ALDH2: variants seen among roughly 807,000 people sequenced by gnomAD.
The protein encoded by ALDH2 is aldehyde dehydrogenase 2 family member.
In ALDH2, 44 loss-of-function variants were observed where a neutral mutation model predicts 59.6. The ratio of observed to expected loss-of-function variants is 0.74; its 90% CI spans 0.58 to 0.95. The LOEUF (loss-of-function observed/expected upper bound fraction) is 0.95. Ranked by LOEUF, ALDH2 falls within the 40% of genes least tolerant of loss-of-function variation. ALDH2 has a pLI of 0.00. For synonymous variants in ALDH2, 291 were observed against 284.0 expected (o/e 1.02, Z -0.25); for missense variants, 570 against 696.3 (o/e 0.82, Z 2.04).
chr12:111,776,012 G>A (rs2068231946), intron 1 of ALDH2, among the ~76,000 whole-genome samples: 1 of 152,160 alleles, frequency 6.6e-6, no homozygotes, highest in Non-Finnish European at 1.5e-5. Flanking sequence ...ATGCAGCCTG[G>A]TTCAACAGTG....
chr12:111,809,345 C>T (rs1218427687), intron 12 of ALDH2, among the ~76,000 whole-genome samples, 198 bp from the exon 13 acceptor site: 1 of 152,090 alleles, frequency 6.6e-6, no homozygotes, highest in African/African-American at 2.4e-5. Context: ...GTCCCAGCTA[C>T]TTGGGAGGCT....
rs540073928 is a variant in ALDH2, at chr12:111,790,546, C to A, written c.665C>A (p.Ala222Asp). 43 of 1,614,148 alleles carry A rather than the reference C, an allele frequency of 2.7e-5. No homozygotes were observed. In the East Asian group the frequency reaches 9.4e-4, roughly 35 times the overall value. ...EQTPLTALYV[A>D]NLIKEAGFPP... ...ACACCCCTCACCGCCCTCTATGTGG[C>A]CAACCTGATCAAGGAGGTGCGTGGC... Residue 222 changes from alanine (A) to aspartate (D), a missense_variant, in exon 6 of 13, where the codon GCC becomes GAC. Ala to Asp is a moderately radical substitution (Grantham distance 126, BLOSUM62 -2). Transcript: ENST00000261733.
intron 3 of ALDH2, 126 bp from the exon 4 acceptor site, chr12:111,785,141 C>A: frequency 1.3e-6 from 1 of 774,390 alleles, no homozygotes; most frequent in Non-Finnish European, 2.3e-6. Context: ...ATTTGGGGCA[C>A]AAAGCGGACT....
chr12:111,785,576 T>G (rs941271330), intron 4 of ALDH2, among the ~76,000 whole-genome samples: 2 of 151,898 alleles, frequency 1.3e-5, no homozygotes, highest in Non-Finnish European at 2.9e-5. Context: ...ATACAAAAAT[T>G]AGCTGGGCAT....
At chr12:111,780,193 C>T (rs2068262042) in intron 1 of ALDH2, among the ~76,000 whole-genome samples, 2 of 152,108 alleles carry the variant, frequency 1.3e-5, no homozygotes, top group East Asian at 1.9e-4. Flanking sequence ...CACGCAGCCT[C>T]GCACTTTAAT....
intron 7 of ALDH2, 122 bp downstream of exon 7, chr12:111,791,541 C>T (rs563647453): frequency 4.0e-6 from 3 of 741,338 alleles, no homozygotes; most frequent in South Asian, 3.3e-5. Context: ...TCCAGGACGA[C>T]CCTGTAGGTA....
chr12:111,807,439 T>C (rs1395958771), intron 12 of ALDH2, among the ~76,000 whole-genome samples: 1 of 151,530 alleles, frequency 6.6e-6, no homozygotes, highest in Admixed American at 6.6e-5. Flanking sequence ...CAGCAGGAGG[T>C]GGCCATGTGG....
intron 1 of ALDH2, among the ~76,000 whole-genome samples, chr12:111,767,532 G>T (rs2068168107): frequency 6.6e-6 from 1 of 152,168 alleles, no homozygotes; most frequent in African/African-American, 2.4e-5. Context: ...GAGTTCAAAA[G>T]GAAAAACCAG....
At chr12:111,775,927 G>A (rs1003063811) in intron 1 of ALDH2, among the ~76,000 whole-genome samples, 4 of 152,242 alleles carry the variant, frequency 2.6e-5, no homozygotes, top group Admixed American at 6.5e-5. Context: ...AATGTAAACC[G>A]GAGGAGGTTT....
At chr12:111,793,566 G>A (rs972781539) in intron 9 of ALDH2, among the ~76,000 whole-genome samples, 1 of 151,224 alleles carries the variant, frequency 6.6e-6, no homozygotes. Flanking sequence ...ATTCACTTAG[G>A]TCTGTAGTGT....
At chr12:111,781,832 T>G in intron 1 of ALDH2, 86 bp from the exon 2 acceptor site, 1 of 1,039,112 alleles carries the variant, frequency 9.6e-7, no homozygotes, top group Non-Finnish European at 1.4e-6. Flanking sequence ...TATTTGCTTT[T>G]TCTTGTTTTT....
chr12:111,816,538 C>T lies in ALDH2; in HGVS notation c.*6963C>T, dbSNP rs2136034619. On this transcript the variant is annotated 3_prime_UTR_variant, in exon 13 of 13. Transcript: ENST00000261733. ...TATGATAAACAGTTTGCTGTTTGAT[C>T]ATATAGCCTCAGTGGAATGCTGAGT... The T allele has an allele frequency of 6.6e-6, 1 of 152,280 alleles. No homozygotes were observed. The highest frequency in any genetic ancestry group is 6.5e-5 in the Admixed American group (1 of 15,290). The allele number at this position is 152,280 out of a possible 1,614,324, so 9.4% of individuals were successfully genotyped here.
chr12:111,779,006 G>C (rs761987891), intron 1 of ALDH2, among the ~76,000 whole-genome samples: 4 of 151,794 alleles, frequency 2.6e-5, no homozygotes, highest in Non-Finnish European at 4.4e-5. Flanking sequence ...CTATAGGCAC[G>C]CAACCACACC....
At chr12:111,783,920 G>C (rs992983553) in intron 3 of ALDH2, among the ~76,000 whole-genome samples, 47 of 152,154 alleles carry the variant, frequency 3.1e-4, no homozygotes, top group African/African-American at 1.1e-3. Flanking sequence ...CCTCTCCCTC[G>C]GCCCCTCCAT....
intron 9 of ALDH2, among the ~76,000 whole-genome samples, chr12:111,793,582 C>CG (rs1593081096): frequency 6.9e-6 from 1 of 144,064 alleles, no homozygotes; most frequent in East Asian, 2.1e-4. Flanking sequence ...AGTGTATATT[C>CG]GGGTTTTTTT....
intron 9 of ALDH2, among the ~76,000 whole-genome samples, chr12:111,795,060 T>A (rs2068392178): frequency 6.6e-6 from 1 of 152,200 alleles, no homozygotes; most frequent in African/African-American, 2.4e-5. Context: ...ATTTTGGACA[T>A]TTTATGCAAA....
intron 6 of ALDH2, 116 bp downstream of exon 6, chr12:111,790,678 C>T: frequency 2.2e-6 from 3 of 1,383,350 alleles, no homozygotes; most frequent in East Asian, 2.3e-5. Flanking sequence ...GTGGAGCCCC[C>T]ATCACCATGT....
chr12:111,782,872 A>G (rs1458723125), intron 2 of ALDH2, among the ~76,000 whole-genome samples: 2 of 151,878 alleles, frequency 1.3e-5, no homozygotes, highest in Non-Finnish European at 2.9e-5. Flanking sequence ...CGACAGAGCG[A>G]GATTTCGTCT....
intron 9 of ALDH2, among the ~76,000 whole-genome samples, chr12:111,793,743 G>A (rs1298835501): frequency 1.3e-5 from 2 of 150,926 alleles, no homozygotes; most frequent in Non-Finnish European, 1.5e-5. Context: ...GCACCACCAC[G>A]CCTGGCTAAT....
Sources: gnomAD v4.1 joint callset for allele counts (sites outside exome capture counted in the v4.1 genomes callset) on GRCh38, gnomAD v4.1.1 for gene constraint, MANE v1.5 for transcripts, NCBI Gene and HGNC (gene_info 2026-07-23, HGNC 2026-07-21) for gene names.